The following SDK1 variants were observed in gnomAD, a reference collection of about 807,000 sequenced individuals.
SDK1 encodes protein sidekick-1.
In SDK1, 157 loss-of-function variants were observed where a neutral mutation model predicts 245.5. The ratio of observed to expected loss-of-function variants is 0.64; its 90% CI spans 0.56 to 0.73. The LOEUF (loss-of-function observed/expected upper bound fraction) is 0.73. Ranked by LOEUF, SDK1 falls within the 30% of genes least tolerant of loss-of-function variation. The pLI, the probability that SDK1 is intolerant of heterozygous loss-of-function variation, is 0.00. For missense variants in SDK1, 3,583 were observed against 3,002.3 expected (o/e 1.19, Z -4.52); for synonymous variants, 1,647 against 1,278.5 (o/e 1.29, Z -6.15).
At chr7:3,355,018 A>G (rs1338867033) in intron 1 of SDK1, among the ~76,000 whole-genome samples, 1 of 152,124 alleles carries the variant, frequency 6.6e-6, no homozygotes, top group East Asian at 1.9e-4. Flanking sequence ...GCTACAGTTT[A>G]TTTTCTCATT....
intron 2 of SDK1, among the ~76,000 whole-genome samples, chr7:3,629,991 G>A (rs1782241190): frequency 6.6e-6 from 1 of 152,214 alleles, no homozygotes; most frequent in Admixed American, 6.5e-5. Context: ...ACTATAATGT[G>A]TGAGATAAAC....
intron 4 of SDK1, among the ~76,000 whole-genome samples, chr7:3,668,337 C>G (rs1783598549): frequency 6.6e-6 from 1 of 152,204 alleles, no homozygotes; most frequent in Non-Finnish European, 1.5e-5. Context: ...TTGGTATTGA[C>G]TGTTAACTGA....
rs575651985 is a variant in SDK1 at position 3,871,481 on chromosome 7, C to T, written c.847+49898C>T. Among the ~76,000 whole-genome samples the T allele has an allele frequency of 9.2e-5, 14 of 152,250 alleles. No homozygotes were observed. In the East Asian group the frequency reaches 1.7e-3, roughly 19 times the overall value. ...CCATTTGTGTTACTGTAAAGGAATA[C>T]GTGAGGCTGGGTGATTTATAAAGAA... On this transcript the variant is annotated intron_variant, in intron 5 of 44. Transcript: ENST00000404826.
chr7:3,838,760 C>T (rs1186185866), intron 5 of SDK1, among the ~76,000 whole-genome samples: 1 of 152,190 alleles, frequency 6.6e-6, no homozygotes, highest in Non-Finnish European at 1.5e-5. Context: ...CTGTGTCCCT[C>T]ACTAGGAGAC....
intron 4 of SDK1, among the ~76,000 whole-genome samples, chr7:3,774,846 G>C (rs111325238): frequency 0.022 from 3,374 of 152,260 alleles, 57 homozygotes; most frequent in African/African-American, 0.041. Flanking sequence ...GATCCTACAA[G>C]TCTGACAAAC....
chr7:4,082,695 A>G (rs764971548), intron 22 of SDK1, among the ~76,000 whole-genome samples: 9 of 151,920 alleles, frequency 5.9e-5, no homozygotes, highest in Non-Finnish European at 1.2e-4. Flanking sequence ...ATCTCGGCTC[A>G]CTACAACCTC....
chr7:3,634,313 T>G (rs1782390973), intron 2 of SDK1, among the ~76,000 whole-genome samples: 2 of 152,182 alleles, frequency 1.3e-5, no homozygotes, highest in Non-Finnish European at 2.9e-5. Flanking sequence ...TGCTGCCTCA[T>G]AAAGAAATTC....
At chr7:3,800,876 C>A (rs1206777016) in intron 4 of SDK1, among the ~76,000 whole-genome samples, 1 of 152,148 alleles carries the variant, frequency 6.6e-6, no homozygotes, top group Non-Finnish European at 1.5e-5. Flanking sequence ...AGCAGCCTGG[C>A]CCAGTTTTTG....
intron 15 of SDK1, 44 bp downstream of exon 15, chr7:4,011,157 G>A (rs900589584): frequency 3.7e-6 from 6 of 1,600,132 alleles, no homozygotes; most frequent in East Asian, 2.2e-5. Flanking sequence ...ACAGCCGGGG[G>A]CCTGAATGCC....
At chr7:3,747,851 T>A (rs1453864201) in intron 4 of SDK1, among the ~76,000 whole-genome samples, 1 of 152,014 alleles carries the variant, frequency 6.6e-6, no homozygotes, top group Non-Finnish European at 1.5e-5. Context: ...GGCTGGAGGC[T>A]GGAGCAGAGA....
At chr7:3,862,929 C>T (rs1233534397) in intron 5 of SDK1, among the ~76,000 whole-genome samples, 1 of 151,952 alleles carries the variant, frequency 6.6e-6, no homozygotes, top group African/African-American at 2.4e-5. Flanking sequence ...AGGGTTTGTG[C>T]TCCTATGGGA....
At chr7:3,869,564 CCCCCAGCCCGCTGCGTCCTCT>C (rs1780908956) in intron 5 of SDK1, among the ~76,000 whole-genome samples, 1 of 152,184 alleles carries the variant, frequency 6.6e-6, no homozygotes, top group African/African-American at 2.4e-5. Flanking sequence ...CCACCCTGTG[CCCCCAGCCCGCTGCGTCCTCT>C]TCCCAGCAGC....
chr7:3,958,004 A>G (rs1160263112), intron 7 of SDK1: 1 of 470,780 alleles, frequency 2.1e-6, no homozygotes, highest in South Asian at 1.5e-5. Context: ...GTTTCTTTGA[A>G]ATGCTTAGTT....
intron 1 of SDK1, among the ~76,000 whole-genome samples, chr7:3,464,337 A>G (rs1174032824): frequency 6.6e-6 from 1 of 152,126 alleles, no homozygotes; most frequent in Non-Finnish European, 1.5e-5. Context: ...CAGCCTGAGT[A>G]ACATAGCAAG....
intron 1 of SDK1, among the ~76,000 whole-genome samples, chr7:3,368,340 C>A (rs564498148): frequency 2.0e-5 from 3 of 152,312 alleles, no homozygotes; most frequent in African/African-American, 7.2e-5. Context: ...CATTAGGCTG[C>A]TGTTAAAACG....
intron 1 of SDK1, among the ~76,000 whole-genome samples, chr7:3,491,189 C>T (rs572975284): frequency 6.6e-6 from 1 of 152,228 alleles, no homozygotes; most frequent in Non-Finnish European, 1.5e-5. Context: ...CTTTAGGGAT[C>T]TACAGTTAGG....
At position 4,073,108 on chromosome 7, in the gene SDK1, T is replaced by C. The variant is rs552065993; in HGVS notation, c.3011-3890T>C. Reference sequence around the variant, plus strand: ...GCCATTAGTCTCAGTTAGGCAGCCATTGGGAGCAGGTAGGATGCCAAGCGG... The same window carrying C: ...GCCATTAGTCTCAGTTAGGCAGCCACTGGGAGCAGGTAGGATGCCAAGCGG... On this transcript the variant is annotated intron_variant, in intron 20 of 44. Coordinates refer to ENST00000404826, the MANE Select transcript of SDK1 (RefSeq NM_152744.4). Among the ~76,000 whole-genome samples the C allele has an allele frequency of 8.5e-5, 13 of 152,326 alleles. No individual in the cohort carries two copies. The South Asian group carries it at 1.2e-3, about 15-fold the overall frequency.
intron 1 of SDK1, among the ~76,000 whole-genome samples, chr7:3,605,944 T>C (rs1283629831): frequency 6.6e-6 from 1 of 152,182 alleles, no homozygotes; most frequent in Admixed American, 6.5e-5. Context: ...TTTGGAATGA[T>C]CCAATTATCT....
chr7:4,195,566 G>A (rs1239750717), intron 35 of SDK1, among the ~76,000 whole-genome samples: 11 of 152,140 alleles, frequency 7.2e-5, no homozygotes, highest in African/African-American at 1.7e-4. Context: ...CATCTCTGCC[G>A]GGCGCACCCA....
Sources: gnomAD v4.1 joint callset for allele counts (sites outside exome capture counted in the v4.1 genomes callset) on GRCh38, gnomAD v4.1.1 for gene constraint, MANE v1.5 for transcripts, NCBI Gene and HGNC (gene_info 2026-07-23, HGNC 2026-07-21) for gene names.